The following RNF181 variants were observed in gnomAD, a reference collection of about 807,000 sequenced individuals.
RNF181 encodes ring finger protein 181.
RNF181 carries 25 observed loss-of-function variants against 23.3 expected under a neutral mutation model. The ratio of observed to expected loss-of-function variants is 1.07; its 90% CI spans 0.78 to 1.50. The LOEUF is 1.50. Ranked by LOEUF, RNF181 falls within the 40% of genes most tolerant of loss-of-function variation. RNF181 has a pLI of 0.00. For synonymous variants in RNF181, 62 were observed against 70.9 expected (o/e 0.87, Z 0.63); for missense variants, 167 against 191.1 (o/e 0.87, Z 0.74).
At position 85,597,468 on chromosome 2, in the gene RNF181, C is replaced by A; in HGVS notation, c.426C>A (p.His142Gln). 1.9e-6 allele frequency: 3 copies of A among 1,612,546 alleles called. No individual in the cohort carries two copies. Among genetic ancestry groups the A allele is most frequent in the Non-Finnish European group, 2.5e-6 (3 of 1,179,464 alleles). The change falls in exon 5 of 5, where the codon CAC becomes CAA. Residue 142 changes from histidine to glutamine, a missense_variant. Transcript: ENST00000306368. ...RDKARKQQQQHRLENLHGAMY... is the reference protein window; with the variant it reads ...RDKARKQQQQQRLENLHGAMY... ...AGGCTCGAAAACAGCAGCAGCAACACCGACTGGAGAACCTCCATGGAGCCA... is the reference window on the plus strand; with the variant it reads ...AGGCTCGAAAACAGCAGCAGCAACAACGACTGGAGAACCTCCATGGAGCCA...
chr2:85,597,441 T>G lies in RNF181; in HGVS notation c.403-4T>G, dbSNP rs1350004209. The G allele has an allele frequency of 6.2e-7, 1 of 1,607,220 alleles. No individual in the cohort carries two copies. The highest frequency in any genetic ancestry group is 1.1e-5 in the South Asian group (1 of 90,210). On this transcript the variant is annotated splice_region_variant and splice_polypyrimidine_tract_variant and intron_variant, in intron 4 of 4. Coordinates refer to ENST00000306368, the MANE Select transcript of RNF181 (RefSeq NM_016494.4). ...CCCTGCCCAGCATGCCTTCTTTCCT[T>G]CAGGCTCGAAAACAGCAGCAGCAAC...
rs57595370 is a variant in RNF181 at position 85,596,385 on chromosome 2, G to A, written c.87-134G>A. ...TTTCCCATCGTGCTTTTTATCTAGT[G>A]AGCATCTACTAACTACTAAGGGTAG... On this transcript the variant is annotated intron_variant, in intron 1 of 4. Transcript: ENST00000306368. 71 of 862,782 alleles carry A rather than the reference G, an allele frequency of 8.2e-5. No homozygotes were observed. The African/African-American group carries it at 1.0e-3, about 12-fold the overall frequency. 53.4% of individuals were successfully genotyped at this position (862,782 alleles called of 1,614,324 possible).
chr2:85,595,940 T>C, intron 1 of RNF181, 91 bp downstream of exon 1: 1 of 1,121,546 alleles, frequency 8.9e-7, no homozygotes, highest in Non-Finnish European at 1.3e-6. Flanking sequence ...GGCAGCGGAT[T>C]CTGGGGAGGA....
rs1573353932 is a variant in RNF181, at chr2:85,596,386, A to C, written c.87-133A>C. 5.7e-6 allele frequency: 5 copies of C among 870,824 alleles called. No homozygotes were observed. In the East Asian group the frequency reaches 1.3e-4, roughly 23 times the overall value. 53.9% of individuals were successfully genotyped at this position (870,824 alleles called of 1,614,324 possible). A position where few individuals can be genotyped will look rare whatever the true frequency, so the allele number is the denominator to read the frequency against. On this transcript the variant is annotated intron_variant, in intron 1 of 4. Coordinates refer to ENST00000306368, the MANE Select transcript of RNF181 (RefSeq NM_016494.4). The stretch of plus-strand genomic sequence containing the variant: ...TTCCCATCGTGCTTTTTATCTAGTG[A>C]GCATCTACTAACTACTAAGGGTAGC...
Position 85,597,570 on chromosome 2 carries a change from T to G in RNF181, c.*66T>G, listed in dbSNP as rs772245132. 1.3e-5 allele frequency: 21 copies of G among 1,604,388 alleles called. No individual in the cohort carries two copies. The highest frequency in any genetic ancestry group is 1.7e-5 in the Admixed American group (1 of 58,000). ...TTAACCTTGAATCCTCATTAAAGGT[T>G]TCTTTACCCACCCTGAGGCTGTATT... On this transcript the variant is annotated 3_prime_UTR_variant, in exon 5 of 5. Coordinates refer to ENST00000306368, the MANE Select transcript of RNF181 (RefSeq NM_016494.4).
chr2:85,597,247 TC>T, intron 4 of RNF181, 69 bp downstream of exon 4: 1 of 1,452,988 alleles, frequency 6.9e-7, no homozygotes, highest in Non-Finnish European at 9.5e-7. Context: ...TGCCATCACT[TC>T]CCACCTCAGC....
chr2:85,596,767 G>A (rs1430891939), intron 2 of RNF181, 55 bp from the exon 3 acceptor site: 3 of 1,609,990 alleles, frequency 1.9e-6, no homozygotes, highest in South Asian at 1.1e-5. Flanking sequence ...TCAGGAGTGG[G>A]AGCTTGGGAG....
chr2:85,596,706 G>C, intron 2 of RNF181, 57 bp downstream of exon 2: 1 of 1,613,796 alleles, frequency 6.2e-7, no homozygotes, highest in South Asian at 1.1e-5. Flanking sequence ...CCCCAAGCCA[G>C]ACTGTGGTCT....
chr2:85,596,554 G>A lies in RNF181; in HGVS notation c.122G>A (p.Gly41Glu). Residue 41 changes from glycine to glutamate, a missense_variant, in exon 2 of 5, where the codon GGG becomes GAG. Coordinates refer to ENST00000306368, the MANE Select transcript of RNF181 (RefSeq NM_016494.4). Reference sequence around the variant, plus strand: ...AATAGGATGGACTTTGAAGACTTGGGGTTGGTAGTAGATTGGGACCACCAC... The same window carrying A: ...AATAGGATGGACTTTGAAGACTTGGAGTTGGTAGTAGATTGGGACCACCAC... The part of the protein sequence containing the change: ...LFNRMDFEDL[G>E]LVVDWDHHLP... 6.2e-7 allele frequency: 1 copy of A among 1,613,816 alleles called. No homozygotes were observed. The highest frequency in any genetic ancestry group is 8.5e-7 in the Non-Finnish European group (1 of 1,179,846).
Position 85,596,813 on chromosome 2 carries a change from T to C in RNF181, c.218-9T>C. ...TAGCAGCTCTCCTGATCAGCACTCC[T>C]TCCTAAAGAGCTCAAGTGCCCCGTG... On this transcript the variant is annotated splice_polypyrimidine_tract_variant and intron_variant, in intron 2 of 4. Coordinates refer to ENST00000306368, the MANE Select transcript of RNF181 (RefSeq NM_016494.4). 1 of 1,613,494 alleles carries C rather than the reference T, an allele frequency of 6.2e-7. No homozygotes were observed. Among genetic ancestry groups the C allele is most frequent in the Non-Finnish European group, 8.5e-7 (1 of 1,179,712 alleles).
rs766629324 is a variant in RNF181, at chr2:85,597,609, G to A, written c.*105G>A. 6.5e-6 allele frequency: 10 copies of A among 1,526,872 alleles called. No homozygotes were observed. The Admixed American group carries it at 1.4e-4, about 21-fold the overall frequency. The allele number at this position is 1,526,872 out of a possible 1,614,324, so 94.6% of individuals were successfully genotyped here. On this transcript the variant is annotated 3_prime_UTR_variant, in exon 5 of 5. Coordinates refer to ENST00000306368, the MANE Select transcript of RNF181 (RefSeq NM_016494.4). ...TGAGGCTGTATTGATCACAGACCTG[G>A]CCAGGGGCTCTGCATCCTCCATCAG...
chr2:85,596,781 G>C, intron 2 of RNF181, 41 bp from the exon 3 acceptor site: 1 of 1,611,394 alleles, frequency 6.2e-7, no homozygotes, highest in East Asian at 2.2e-5. Flanking sequence ...TTGGGAGGCA[G>C]AGCCTGTAGC....
chr2:85,597,395 C>T (rs752616368), intron 4 of RNF181, 50 bp from the exon 5 acceptor site: 11 of 1,575,018 alleles, frequency 7.0e-6, no homozygotes, highest in Non-Finnish European at 7.7e-6. Flanking sequence ...ATCCCCTCAC[C>T]CATAGGCCTT....
chr2:85,595,914 A>G, intron 1 of RNF181, 65 bp downstream of exon 1: 2 of 1,423,508 alleles, frequency 1.4e-6, no homozygotes. Context: ...CTGGCTGGAG[A>G]AGGCGGATTA....
chr2:85,596,658 ACTGATTCTTT>A lies in RNF181; in HGVS notation c.217+13_217+22del. On this transcript the variant is annotated intron_variant, in intron 2 of 4. Transcript: ENST00000306368. ...CAGAGGCTCTCAGGCTGGTGAGGAC[ACTGATTCTTT>A]CTGCTATTTGGGCCAGACCCACCCC... 1 of 1,613,200 alleles carries A rather than the reference ACTGATTCTTT, an allele frequency of 6.2e-7. No individual in the cohort carries two copies. Among genetic ancestry groups the A allele is most frequent in the Non-Finnish European group, 8.5e-7 (1 of 1,179,274 alleles).
intron 3 of RNF181, 43 bp from the exon 4 acceptor site, chr2:85,597,061 T>C (rs943668560): frequency 6.2e-7 from 1 of 1,614,188 alleles, no homozygotes; most frequent in Non-Finnish European, 8.5e-7. Flanking sequence ...TATCAGCTTA[T>C]GAAGATCAGA....
intron 1 of RNF181, 50 bp downstream of exon 1, chr2:85,595,899 T>C: frequency 6.5e-7 from 1 of 1,530,988 alleles, no homozygotes; most frequent in South Asian, 1.1e-5. Flanking sequence ...GTTTCTGGGC[T>C]GGGGCTGGCT....
At chr2:85,596,399 T>C in intron 1 of RNF181, 120 bp from the exon 2 acceptor site, 1 of 1,031,808 alleles carries the variant, frequency 9.7e-7, no homozygotes, top group Non-Finnish European at 1.4e-6. Flanking sequence ...ATCTACTAAC[T>C]ACTAAGGGTA....
chr2:85,597,438 C>A lies in RNF181; in HGVS notation c.403-7C>A, dbSNP rs1435476328. 2 of 1,605,158 alleles carry A rather than the reference C, an allele frequency of 1.2e-6. No homozygotes were observed. ...GGCCCCTGCCCAGCATGCCTTCTTT[C>A]CTTCAGGCTCGAAAACAGCAGCAGC... On this transcript the variant is annotated splice_region_variant and splice_polypyrimidine_tract_variant and intron_variant, in intron 4 of 4. Transcript: ENST00000306368.
Sources: allele counts gnomAD v4.1 joint callset, GRCh38; gene constraint gnomAD v4.1.1; transcripts MANE v1.5; gene names NCBI Gene and HGNC (gene_info 2026-07-23, HGNC 2026-07-21).